The following CD200 variants were observed in gnomAD, a reference collection of about 807,000 sequenced individuals.
The protein encoded by CD200 is OX-2 membrane glycoprotein.
Under a neutral mutation model 30.9 loss-of-function variants are expected in CD200, and 15 were observed. That is an observed-to-expected ratio of 0.49 (90% CI 0.32 to 0.75). CD200 has a LOEUF of 0.75. Among genes scored for constraint, CD200 ranks in the 30% least tolerant of loss-of-function variants. The pLI is 0.03. For synonymous variants in CD200, 134 were observed against 126.2 expected (o/e 1.06, Z -0.41); for missense variants, 262 against 324.2 (o/e 0.81, Z 1.47).
chr3:112,342,365 C>T (rs896600939), intron 2 of CD200, among the ~76,000 whole-genome samples: 1 of 26,810 alleles, frequency 3.7e-5, no homozygotes, highest in African/African-American at 1.3e-4. Flanking sequence ...TTCTTTCTTT[C>T]TTTCTTTCTT....
intron 5 of CD200, chr3:112,350,106 G>A (rs1457860342): frequency 3.1e-6 from 1 of 317,558 alleles, no homozygotes; most frequent in Non-Finnish European, 4.6e-6. Context: ...ACCCACACAA[G>A]GCCCTTTCCA....
rs111769389 is a variant in CD200 at position 112,336,028 on chromosome 3, A to G, written c.12+2804A>G. 4.5e-6 allele frequency: 7 copies of G among 1,568,142 alleles called. No individual in the cohort carries two copies. In the South Asian group the frequency reaches 6.7e-5, roughly 15 times the overall value. ...ATCAATGATTACCAGGTAATTTTCT[A>G]CCCCTACCTATGAAGGGACTTGGTT... is the stretch of plus-strand genomic sequence containing the variant. On this transcript the variant is annotated intron_variant, in intron 1 of 5. Transcript: ENST00000315711.
intron 5 of CD200, 76 bp from the exon 6 acceptor site, chr3:112,361,467 T>C: frequency 8.9e-7 from 1 of 1,126,032 alleles, no homozygotes. Context: ...ATCTCTCTAT[T>C]ATTTATCTTC....
chr3:112,334,561 C>T (rs1028745628), intron 1 of CD200, among the ~76,000 whole-genome samples: 1 of 152,128 alleles, frequency 6.6e-6, no homozygotes, highest in African/African-American at 2.4e-5. Flanking sequence ...GCTTTATATA[C>T]TACTTCATTT....
Position 112,358,995 on chromosome 3 carries a change from C to A in CD200, c.803-2548C>A, listed in dbSNP as rs557709311. ...AACCACACAAAAAGACAAAGAATCA[C>A]ATTCTCTACAAGTGTCCTGTGTTTT... On this transcript the variant is annotated intron_variant, in intron 5 of 5. Transcript: ENST00000315711. Among the ~76,000 whole-genome samples, 4 of 152,296 alleles carry A rather than the reference C, an allele frequency of 2.6e-5. No individual in the cohort carries two copies. The South Asian group carries it at 8.3e-4, about 32-fold the overall frequency.
chr3:112,347,930 T>C, intron 4 of CD200, 100 bp downstream of exon 4: 1 of 1,063,010 alleles, frequency 9.4e-7, no homozygotes, highest in Non-Finnish European at 1.4e-6. Context: ...TAGCATAATC[T>C]ATTTGGAGAA....
rs1179831949 is a variant in CD200 at position 112,347,775 on chromosome 3, C to A, written c.639C>A (p.Ile213=). ...AGAATCAGGTGGGGAAGGAGGTGATCTGCCAGGTGCTGCACCTGGGGACTG... is the reference window on the plus strand; with the variant it reads ...AGAATCAGGTGGGGAAGGAGGTGATATGCCAGGTGCTGCACCTGGGGACTG... ...DPKNQVGKEV[I]CQVLHLGTVT... Residue 213 remains isoleucine (I), a synonymous_variant, in exon 4 of 6, where the codon ATC becomes ATA. Coordinates refer to ENST00000315711, the MANE Select transcript of CD200 (RefSeq NM_005944.7). The A allele has an allele frequency of 6.2e-7, 1 of 1,613,856 alleles. No homozygotes were observed. Among genetic ancestry groups the A allele is most frequent in the East Asian group, 2.2e-5 (1 of 44,872 alleles).
At chr3:112,335,573 G>C (rs1248861805) in intron 1 of CD200, among the ~76,000 whole-genome samples, 2 of 152,208 alleles carry the variant, frequency 1.3e-5, no homozygotes, top group Admixed American at 6.5e-5. Context: ...ATGGGGTCCA[G>C]GATGAGAGTC....
chr3:112,345,038 G>A lies in CD200; in HGVS notation c.171G>A (p.Gln57=). The A allele has an allele frequency of 6.2e-7, 1 of 1,614,052 alleles. No homozygotes were observed. Among genetic ancestry groups the A allele is most frequent in the Non-Finnish European group, 8.5e-7 (1 of 1,180,002 alleles). ...ASLKCSLQNA[Q]EALIVTWQKK... Reference sequence around the variant, plus strand: ...TAAAATGCTCTCTGCAAAATGCCCAGGAAGCCCTCATTGTGACATGGCAGA... The same window carrying A: ...TAAAATGCTCTCTGCAAAATGCCCAAGAAGCCCTCATTGTGACATGGCAGA... Residue 57 remains glutamine (Q), a synonymous_variant, in exon 3 of 6, where the codon CAG becomes CAA. Transcript: ENST00000315711.
In CD200 at chr3:112,352,328, T is replaced by C. The variant is rs533831716; in HGVS notation, c.802+2509T>C. On this transcript the variant is annotated intron_variant, in intron 5 of 5. Transcript: ENST00000315711. The stretch of plus-strand genomic sequence containing the variant: ...CATTAACAAATTCTGATTGATATTT[T>C]GTGAGGAAGGGAAATAGTCCTACAC... Among the ~76,000 whole-genome samples the C allele has an allele frequency of 3.3e-5, 5 of 152,312 alleles. No individual in the cohort carries two copies. In the East Asian group the frequency reaches 9.6e-4, roughly 29 times the overall value.
At chr3:112,347,973 A>G in intron 4 of CD200, 143 bp downstream of exon 4, 2 of 744,298 alleles carry the variant, frequency 2.7e-6, no homozygotes. Flanking sequence ...AACAAAACAA[A>G]ACAAAAAAAT....
intron 1 of CD200, 72 bp downstream of exon 1, chr3:112,333,296 G>A (rs2081038127): frequency 6.6e-7 from 1 of 1,512,200 alleles, no homozygotes; most frequent in East Asian, 2.5e-5. Context: ...TGGGGCGGGC[G>A]GCGAGTGGAA....
intron 1 of CD200, chr3:112,333,637 G>A: frequency 1.0e-6 from 1 of 985,424 alleles, no homozygotes; most frequent in Non-Finnish European, 1.2e-6. Context: ...GAGAAATGCT[G>A]TATTGGTTCC....
At chr3:112,332,850 A>G, upstream of CD200, 1 of 265,020 alleles carries the variant, frequency 3.8e-6, no homozygotes, top group Non-Finnish European at 7.2e-6. Context: ...TAACAGGTCA[A>G]CAACTGATCT....
intron 5 of CD200, among the ~76,000 whole-genome samples, chr3:112,355,316 C>G (rs1367748127): frequency 2.0e-5 from 3 of 152,196 alleles, no homozygotes; most frequent in Non-Finnish European, 4.4e-5. Context: ...TATTTTGTCT[C>G]TCAAATCTGT....
chr3:112,349,478 G>T (rs1356323561), intron 4 of CD200, among the ~76,000 whole-genome samples: 1 of 152,020 alleles, frequency 6.6e-6, no homozygotes. Flanking sequence ...AATAACTCTT[G>T]GGATGTTTTG....
chr3:112,342,338 CTTCTTTCTTTCTTTCTTTCTTTCTTTCT>C (rs869284838), intron 2 of CD200, among the ~76,000 whole-genome samples: 329 of 21,874 alleles, frequency 0.015, 10 homozygotes, highest in Non-Finnish European at 0.015. Flanking sequence ...TCTTTCTTTC[CTTCTTTCTTTCTTTCTTTCTTTCTTTCT>C]TTCTTTCTTT....
At chr3:112,333,852 C>A in intron 1 of CD200, 1 of 985,378 alleles carries the variant, frequency 1.0e-6, no homozygotes, top group South Asian at 4.7e-5. Flanking sequence ...AGGGTTAACC[C>A]CGGGTATCTA....
intron 5 of CD200, among the ~76,000 whole-genome samples, chr3:112,360,988 G>A (rs149662064): frequency 6.8e-4 from 103 of 152,122 alleles, no homozygotes; most frequent in Non-Finnish European, 1.1e-3. Flanking sequence ...CTAGGATTAC[G>A]TATGCCCTTT....
Sources: allele counts gnomAD v4.1 joint callset (sites outside exome capture counted in the v4.1 genomes callset), GRCh38; gene constraint gnomAD v4.1.1; transcripts MANE v1.5; gene names NCBI Gene and HGNC (gene_info 2026-07-23, HGNC 2026-07-21).